Variants in ADAMTSL1 observed in about 807,000 individuals in gnomAD.
ADAMTSL1 encodes the protein ADAMTS like 1.
A neutral mutation model predicts 201.8 loss-of-function variants in ADAMTSL1; 126 were observed. That is an observed-to-expected ratio of 0.62 (90% CI 0.54 to 0.72). ADAMTSL1 has a LOEUF of 0.72. ADAMTSL1 is among the 30% of genes least tolerant of loss of function. The pLI is 0.00. For synonymous variants in ADAMTSL1, 1,121 were observed against 903.4 expected, an observed-to-expected ratio of 1.24 and a Z score of -4.32; for missense variants, 2,679 against 2,277.8, an observed-to-expected ratio of 1.18 and a Z score of -3.59.
At chr9:18,892,363 C>A (rs745463193) in intron 25 of ADAMTSL1, 26 bp from the exon 26 acceptor site, 1 of 1,600,092 alleles carries the variant, frequency 6.2e-7, no homozygotes, top group East Asian at 2.2e-5. Context: ...CTTTAGGGCT[C>A]TCCTGACACT....
chr9:18,480,315 T>C (rs1821659879), intron 1 of ADAMTSL1, among the ~76,000 whole-genome samples: 1 of 152,188 alleles, frequency 6.6e-6, no homozygotes, highest in Non-Finnish European at 1.5e-5. Flanking sequence ...CTAGAAGTAC[T>C]ATATGGCACT....
intron 1 of ADAMTSL1, among the ~76,000 whole-genome samples, chr9:17,981,980 G>A (rs1249002239): frequency 6.6e-6 from 1 of 152,190 alleles, no homozygotes; most frequent in African/African-American, 2.4e-5. Context: ...GTGAGGTATT[G>A]ATAAATGCCT....
chr9:18,254,515 A>G (rs1831600246), intron 2 of ADAMTSL1, among the ~76,000 whole-genome samples: 1 of 151,226 alleles, frequency 6.6e-6, no homozygotes, highest in Non-Finnish European at 1.5e-5. Context: ...GGCTCCCGCC[A>G]CCACGCCCGG....
chr9:18,232,384 T>G (rs548852694), intron 2 of ADAMTSL1, among the ~76,000 whole-genome samples: 1 of 152,268 alleles, frequency 6.6e-6, no homozygotes, highest in South Asian at 2.1e-4. Context: ...ATATTCAAAT[T>G]ATAACTTCCC....
Position 18,792,076 on chromosome 9 carries a change from C to CAAAAAA in ADAMTSL1, c.3678-3316_3678-3311dup, listed in dbSNP as rs372062110. 4.2e-3 allele frequency among the ~76,000 whole-genome samples: 620 copies of CAAAAAA among 147,098 alleles called. 9 individuals are homozygous for CAAAAAA. The highest frequency in any genetic ancestry group is 0.015 in the African/African-American group (588 of 40,156). On this transcript the variant is annotated intron_variant, in intron 19 of 28. Transcript: ENST00000380548. Reference sequence around the variant, plus strand: ...ATCAGACAGGTGCAGTAGTTGTATGCAAAAAAAAAATGATTCTAATATGGA... The same window carrying CAAAAAA: ...ATCAGACAGGTGCAGTAGTTGTATGCAAAAAAAAAAAAAAAATGATTCTAATATGGA...
intron 7 of ADAMTSL1, among the ~76,000 whole-genome samples, chr9:18,641,479 T>C (rs574260521): frequency 2.0e-5 from 3 of 152,092 alleles, no homozygotes; most frequent in Non-Finnish European, 4.4e-5. Context: ...TTCACACTGA[T>C]GGGAAGCCAG....
intron 23 of ADAMTSL1, among the ~76,000 whole-genome samples, chr9:18,831,831 A>C (rs1473371811): frequency 1.3e-5 from 2 of 152,140 alleles, no homozygotes; most frequent in African/African-American, 4.8e-5. Flanking sequence ...ACTCACATGG[A>C]ATTGTGGAGA....
intron 13 of ADAMTSL1, among the ~76,000 whole-genome samples, chr9:18,703,701 C>CATACATATAT (rs1295764808): frequency 6.3e-5 from 5 of 78,810 alleles, no homozygotes; most frequent in African/African-American, 1.9e-4. Flanking sequence ...TGCGCACATA[C>CATACATATAT]ATATATATAT....
Position 18,392,854 on chromosome 9 carries a change from T to C in ADAMTSL1, c.208-111975T>C, listed in dbSNP as rs536842993. Among the ~76,000 whole-genome samples, 3 of 152,352 alleles carry C rather than the reference T, an allele frequency of 2.0e-5. No homozygotes were observed. In the South Asian group the frequency reaches 6.2e-4, roughly 32 times the overall value. On this transcript the variant is annotated intron_variant, in intron 2 of 29. Transcript: ENST00000680146. ...CTTCACCTACCTCTACTTTGGGGCC[T>C]CCCTCACTTTTGTGGTAGAAATCAG...
intron 2 of ADAMTSL1, among the ~76,000 whole-genome samples, chr9:18,204,891 T>C (rs1829589464): frequency 6.6e-6 from 1 of 152,208 alleles, no homozygotes; most frequent in South Asian, 2.1e-4. Flanking sequence ...TCTTTGTTCA[T>C]TTATATCCAC....
At chr9:18,493,050 T>A (rs1402877359) in intron 1 of ADAMTSL1, among the ~76,000 whole-genome samples, 1 of 152,194 alleles carries the variant, frequency 6.6e-6, no homozygotes, top group Non-Finnish European at 1.5e-5. Flanking sequence ...ATATTAGGGG[T>A]TAAGCTGAAT....
intron 2 of ADAMTSL1, among the ~76,000 whole-genome samples, chr9:18,388,021 G>A (rs1438840120): frequency 6.8e-6 from 1 of 147,294 alleles, no homozygotes; most frequent in Non-Finnish European, 1.5e-5. Context: ...CATACGTAAT[G>A]TTCTTATTTA....
intron 2 of ADAMTSL1, among the ~76,000 whole-genome samples, chr9:18,220,506 G>A (rs1830215695): frequency 6.6e-6 from 1 of 152,028 alleles, no homozygotes; most frequent in Admixed American, 6.5e-5. Context: ...GTGTCAGTAT[G>A]TGTTTCTCTT....
chr9:17,950,102 T>C (rs1827675533), intron 1 of ADAMTSL1, among the ~76,000 whole-genome samples: 1 of 152,132 alleles, frequency 6.6e-6, no homozygotes, highest in Admixed American at 6.6e-5. Flanking sequence ...GTATTTTAAG[T>C]AGAGATGGGG....
intron 23 of ADAMTSL1, among the ~76,000 whole-genome samples, chr9:18,886,299 T>G (rs532345667): frequency 1.5e-4 from 23 of 149,812 alleles, no homozygotes; most frequent in African/African-American, 5.1e-4. Context: ...ACACCTGTAA[T>G]TGTAGCTACT....
chr9:18,516,248 AAG>A (rs1233837495), intron 2 of ADAMTSL1, among the ~76,000 whole-genome samples: 3 of 152,174 alleles, frequency 2.0e-5, no homozygotes, highest in South Asian at 2.1e-4. Flanking sequence ...GAAAGAAAGA[AAG>A]AGAGAGAGAT....
chr9:18,578,690 C>T (rs938569355), intron 4 of ADAMTSL1, among the ~76,000 whole-genome samples: 1 of 152,086 alleles, frequency 6.6e-6, no homozygotes, highest in Non-Finnish European at 1.5e-5. Flanking sequence ...AATAAACATA[C>T]GTGTGCATGT....
At chr9:17,921,965 A>T (rs1390799742) in intron 1 of ADAMTSL1, among the ~76,000 whole-genome samples, 4 of 152,108 alleles carry the variant, frequency 2.6e-5, no homozygotes, top group African/African-American at 7.2e-5. Context: ...ATACATTTTG[A>T]CATTCATATT....
intron 2 of ADAMTSL1, among the ~76,000 whole-genome samples, chr9:18,212,943 C>T (rs900116990): frequency 1.3e-5 from 2 of 152,152 alleles, no homozygotes; most frequent in Non-Finnish European, 2.9e-5. Flanking sequence ...ATAGAATTTG[C>T]AGTTCATTGT....
Sources: allele counts gnomAD v4.1 joint callset (sites outside exome capture counted in the v4.1 genomes callset), GRCh38; gene constraint gnomAD v4.1.1; transcripts MANE v1.5; gene names NCBI Gene and HGNC (gene_info 2026-07-23, HGNC 2026-07-21).